PPP2R3A: variants seen among roughly 807,000 people sequenced by gnomAD.
PPP2R3A encodes protein phosphatase 2 regulatory subunit B''alpha, also known as serine/threonine-protein phosphatase 2A regulatory subunit B'' subunit alpha.
PPP2R3A carries 80 observed loss-of-function variants against 106.9 expected under a neutral mutation model. That is an observed-to-expected ratio of 0.75 (90% CI 0.62 to 0.90). The LOEUF (loss-of-function observed/expected upper bound fraction) is 0.90, where lower values mean the gene tolerates loss of function less well. Among genes scored for constraint, PPP2R3A ranks in the 40% least tolerant of loss-of-function variants. PPP2R3A has a pLI of 0.00. For synonymous variants in PPP2R3A, 483 were observed against 468.3 expected (o/e 1.03, Z -0.41); for missense variants, 1,386 against 1,350.4 (o/e 1.03, Z -0.41).
chr3:136,026,706 T>G, intron 2 of PPP2R3A, 126 bp from the exon 3 acceptor site: 2 of 807,930 alleles, frequency 2.5e-6, no homozygotes, highest in South Asian at 3.9e-5. Context: ...TTACCACCTT[T>G]AAGAGTACAG....
chr3:136,084,832 G>A lies in PPP2R3A; in HGVS notation c.2788+2411G>A, dbSNP rs560996605. On this transcript the variant is annotated intron_variant, in intron 8 of 13. Coordinates refer to ENST00000264977, the MANE Select transcript of PPP2R3A (RefSeq NM_002718.5). Reference sequence around the variant, plus strand: ...CAGTATTGGATTTCAGACTTGCATCGGGCCTGTAGCCCCTTTGTTTTGACT... The same window carrying A: ...CAGTATTGGATTTCAGACTTGCATCAGGCCTGTAGCCCCTTTGTTTTGACT... 3.9e-5 allele frequency among the ~76,000 whole-genome samples: 6 copies of A among 152,284 alleles called. No homozygotes were observed. In the East Asian group the frequency reaches 5.8e-4, roughly 15 times the overall value.
chr3:136,133,905 AAAAG>A (rs1486845645), intron 13 of PPP2R3A, among the ~76,000 whole-genome samples: 1 of 150,932 alleles, frequency 6.6e-6, no homozygotes, highest in African/African-American at 2.4e-5. Context: ...AAAAAAAAAA[AAAAG>A]AAATTTACTA....
At chr3:136,078,701 A>G (rs764082425) in intron 7 of PPP2R3A, among the ~76,000 whole-genome samples, 2 of 152,220 alleles carry the variant, frequency 1.3e-5, no homozygotes, top group African/African-American at 2.4e-5. Flanking sequence ...TACAGACACT[A>G]AACCTGACTT....
chr3:136,053,594 A>T (rs556056926), intron 5 of PPP2R3A, among the ~76,000 whole-genome samples: 1 of 152,352 alleles, frequency 6.6e-6, no homozygotes, highest in East Asian at 1.9e-4. Context: ...TCACAAATAT[A>T]AAGTGCAGCC....
chr3:135,997,472 C>G (rs1933447580), intron 1 of PPP2R3A, among the ~76,000 whole-genome samples: 1 of 152,134 alleles, frequency 6.6e-6, no homozygotes, highest in Non-Finnish European at 1.5e-5. Flanking sequence ...TTTCCTCAGT[C>G]CAGAGCTCCC....
intron 4 of PPP2R3A, among the ~76,000 whole-genome samples, chr3:136,044,243 G>A (rs1935394180): frequency 6.6e-6 from 1 of 152,150 alleles, no homozygotes; most frequent in Non-Finnish European, 1.5e-5. Flanking sequence ...TCATAGTATA[G>A]CTCTAATAAG....
intron 1 of PPP2R3A, among the ~76,000 whole-genome samples, chr3:136,000,070 G>T (rs1933561746): frequency 6.6e-6 from 1 of 152,032 alleles, no homozygotes; most frequent in Non-Finnish European, 1.5e-5. Context: ...ATACCTCCTT[G>T]GCCTCCTTCC....
chr3:136,045,818 G>T (rs1935452525), intron 4 of PPP2R3A, among the ~76,000 whole-genome samples: 1 of 152,138 alleles, frequency 6.6e-6, no homozygotes, highest in Non-Finnish European at 1.5e-5. Flanking sequence ...GTTACAGCTT[G>T]AATTACAGCA....
intron 13 of PPP2R3A, among the ~76,000 whole-genome samples, chr3:136,138,151 CAG>C (rs1938700020): frequency 6.6e-6 from 1 of 152,124 alleles, no homozygotes; most frequent in African/African-American, 2.4e-5. Context: ...GCTTAATAAA[CAG>C]AGCCTCTACG....
chr3:136,048,788 A>G (rs1935565492), intron 4 of PPP2R3A, among the ~76,000 whole-genome samples: 1 of 152,208 alleles, frequency 6.6e-6, no homozygotes, highest in Admixed American at 6.5e-5. Flanking sequence ...GAGCCTAAGC[A>G]TGGATATTGG....
chr3:136,015,614 A>G (rs1022540187), intron 2 of PPP2R3A, among the ~76,000 whole-genome samples: 3 of 152,060 alleles, frequency 2.0e-5, no homozygotes, highest in Admixed American at 6.6e-5. Context: ...AGGTGTTCAT[A>G]GTAGCCTTGA....
chr3:135,987,646 A>AGAATT (rs1932974801), intron 1 of PPP2R3A, among the ~76,000 whole-genome samples: 1 of 152,180 alleles, frequency 6.6e-6, no homozygotes, highest in Non-Finnish European at 1.5e-5. Flanking sequence ...GAAACATAAG[A>AGAATT]GACCTATGGA....
chr3:135,966,514 C>G (rs1168596630), intron 1 of PPP2R3A, among the ~76,000 whole-genome samples: 6 of 152,158 alleles, frequency 3.9e-5, no homozygotes, highest in Non-Finnish European at 7.4e-5. Flanking sequence ...CCGCCGCCGC[C>G]GCGGAGGGGC....
At chr3:136,025,422 A>G (rs900511307) in intron 2 of PPP2R3A, among the ~76,000 whole-genome samples, 19 of 152,068 alleles carry the variant, frequency 1.2e-4, no homozygotes, top group Admixed American at 1.1e-3. Context: ...ACTGGCCTTC[A>G]TATCCCTAAT....
intron 1 of PPP2R3A, among the ~76,000 whole-genome samples, chr3:135,985,038 C>T (rs1025940795): frequency 6.6e-6 from 1 of 152,166 alleles, no homozygotes; most frequent in Admixed American, 6.6e-5. Flanking sequence ...CACCATCTCC[C>T]TCCCGCAACA....
At chr3:135,970,534 A>G (rs961031615) in intron 1 of PPP2R3A, among the ~76,000 whole-genome samples, 1 of 152,262 alleles carries the variant, frequency 6.6e-6, no homozygotes, top group Non-Finnish European at 1.5e-5. Flanking sequence ...GGTGTCATCA[A>G]GTAAAGATGT....
intron 13 of PPP2R3A, among the ~76,000 whole-genome samples, chr3:136,144,337 G>A (rs1018143682): frequency 6.6e-6 from 1 of 152,284 alleles, no homozygotes; most frequent in South Asian, 2.1e-4. Context: ...AGCCACGGAG[G>A]GAAGCTATAA....
chr3:136,029,150 C>G (rs1047200147), intron 3 of PPP2R3A, among the ~76,000 whole-genome samples: 2 of 152,176 alleles, frequency 1.3e-5, no homozygotes, highest in Non-Finnish European at 2.9e-5. Flanking sequence ...ATTTCTAACA[C>G]GAGAGCAATT....
At position 136,145,062 on chromosome 3, in the gene PPP2R3A, G is replaced by GATGA. The variant is rs148435414; in HGVS notation, c.3351_3354dup (p.Pro1119Ter). 1,920 of 1,612,940 alleles carry GATGA rather than the reference G, an allele frequency of 1.2e-3. 27 individuals carry two copies. The African/African-American group carries it at 0.024, about 20-fold the overall frequency. The stretch of plus-strand genomic sequence containing the variant: ...TTTCAGCTTTGAAGATTATGAAACA[G>GATGA]ATGAACCTGCCTCTCCCTCTGAATT... On this transcript the variant is annotated frameshift_variant, in exon 14 of 14. Transcript: ENST00000264977. LOFTEE classifies it high-confidence loss of function.
Sources: allele counts gnomAD v4.1 joint callset (sites outside exome capture counted in the v4.1 genomes callset), GRCh38; gene constraint gnomAD v4.1.1; transcripts MANE v1.5; gene names NCBI Gene and HGNC (gene_info 2026-07-23, HGNC 2026-07-21).